DNAAF9: variants seen among roughly 807,000 people sequenced by gnomAD.
DNAAF9 encodes dynein axonemal assembly factor 9, also known as shulin.
In DNAAF9, 90 loss-of-function variants were observed where a neutral mutation model predicts 167.0. That is an observed-to-expected ratio of 0.54 (90% CI 0.45 to 0.64). The LOEUF is 0.64. Ranked by LOEUF, DNAAF9 falls within the 30% of genes least tolerant of loss-of-function variation. The pLI, the probability that DNAAF9 is intolerant of heterozygous loss-of-function variation, is 0.00. For synonymous variants in DNAAF9, 491 were observed against 508.8 expected (o/e 0.96, Z 0.47); for missense variants, 1,315 against 1,442.2 (o/e 0.91, Z 1.43).
chr20:3,347,146 A>C (rs2070208288), intron 8 of DNAAF9, among the ~76,000 whole-genome samples: 1 of 152,160 alleles, frequency 6.6e-6, no homozygotes, highest in Non-Finnish European at 1.5e-5. Flanking sequence ...GCCTGCTTAT[A>C]TTCAGAGATT....
intron 8 of DNAAF9, among the ~76,000 whole-genome samples, chr20:3,344,252 C>T (rs576420816): frequency 1.3e-5 from 2 of 152,256 alleles, no homozygotes; most frequent in African/African-American, 2.4e-5. Context: ...AAATAAGTCT[C>T]AGCTTTTGGA....
chr20:3,313,311 AT>A, intron 20 of DNAAF9, among the ~76,000 whole-genome samples: 1 of 152,360 alleles, frequency 6.6e-6, no homozygotes, highest in Middle Eastern at 3.4e-3. Flanking sequence ...AACAAATGCC[AT>A]TACCACTCCA....
intron 23 of DNAAF9, chr20:3,296,341 C>A: frequency 2.9e-6 from 1 of 340,626 alleles, no homozygotes; most frequent in Non-Finnish European, 5.8e-6. Flanking sequence ...TGAGACGTGG[C>A]CCCTCACAGC....
intron 20 of DNAAF9, among the ~76,000 whole-genome samples, chr20:3,310,344 AGAAAGAAAGAAAG>A (rs1455675971): frequency 1.9e-5 from 2 of 103,190 alleles, no homozygotes; most frequent in African/African-American, 3.9e-5. Flanking sequence ...AAAGAAAGAA[AGAAAGAAAGAAAG>A]AAAGAAAGAA....
chr20:3,286,553 G>A (rs1402214152), intron 27 of DNAAF9, among the ~76,000 whole-genome samples: 1 of 152,168 alleles, frequency 6.6e-6, no homozygotes. Context: ...AAGAAAACAA[G>A]TGGTTTCAAG....
At chr20:3,374,931 G>A in intron 5 of DNAAF9, 99 bp downstream of exon 5, 1 of 678,826 alleles carries the variant, frequency 1.5e-6, no homozygotes, top group Middle Eastern at 2.5e-4. Context: ...AGACGAAGGG[G>A]TTTCTCAGCT....
At chr20:3,272,898 C>A (rs2068618678) in intron 29 of DNAAF9, among the ~76,000 whole-genome samples, 1 of 152,142 alleles carries the variant, frequency 6.6e-6, no homozygotes, top group Non-Finnish European at 1.5e-5. Flanking sequence ...TCTCAGCTCA[C>A]CACAACCTCC....
At chr20:3,386,113 C>T (rs1014960901) in intron 1 of DNAAF9, among the ~76,000 whole-genome samples, 1 of 152,008 alleles carries the variant, frequency 6.6e-6, no homozygotes, top group East Asian at 1.9e-4. Context: ...ATAGTGAGAC[C>T]TCATCTCTTA....
At chr20:3,330,852 C>T (rs1032185962) in intron 11 of DNAAF9, among the ~76,000 whole-genome samples, 170 bp from the exon 12 acceptor site, 1 of 147,572 alleles carries the variant, frequency 6.8e-6, no homozygotes, top group East Asian at 2.0e-4. Context: ...AGTGCAGTGG[C>T]GTAATCTCGG....
chr20:3,298,078 A>G lies in DNAAF9; in HGVS notation c.1880T>C (p.Met627Thr). The G allele has an allele frequency of 6.2e-7, 1 of 1,613,108 alleles. No individual in the cohort carries two copies. Among genetic ancestry groups the G allele is most frequent in the Admixed American group, 1.7e-5 (1 of 60,030 alleles). Reference protein sequence around the residue: ...VHFHGSSNFLMIALFPKSKIY... With the variant: ...VHFHGSSNFLTIALFPKSKIY... Reference sequence around the variant, plus strand: ...CTTCGATTTGGGGAAAAGGGCAATCATCAGAAAATTGCTTGATCCATGGAA... The same window carrying G: ...CTTCGATTTGGGGAAAAGGGCAATCGTCAGAAAATTGCTTGATCCATGGAA... The change falls in exon 22 of 37, where the codon ATG becomes ACG. Residue 627 changes from methionine to threonine, a missense_variant. Physicochemically the swap from Met to Thr is moderately conservative, Grantham distance 81 (BLOSUM62 -1). Coordinates refer to ENST00000252032, the MANE Select transcript of DNAAF9 (RefSeq NM_001009984.3).
At chr20:3,309,104 G>A (rs7264098) in intron 20 of DNAAF9, among the ~76,000 whole-genome samples, 9,431 of 152,128 alleles carry the variant, frequency 0.062, 372 homozygotes, top group Non-Finnish European at 0.082. Flanking sequence ...TTCTTCTTCA[G>A]GAGTATCTTG....
intron 20 of DNAAF9, among the ~76,000 whole-genome samples, chr20:3,313,603 T>C (rs2069451053): frequency 6.6e-6 from 1 of 152,188 alleles, no homozygotes; most frequent in African/African-American, 2.4e-5. Flanking sequence ...AAAGAGGAAC[T>C]TGCAGTAAAT....
intron 1 of DNAAF9, among the ~76,000 whole-genome samples, chr20:3,394,893 G>C (rs937371824): frequency 6.8e-6 from 1 of 146,752 alleles, no homozygotes; most frequent in Non-Finnish European, 1.5e-5. Context: ...GATGAGGCAA[G>C]TCCTTCTATC....
In DNAAF9 at chr20:3,293,451, G is replaced by A. The variant is rs188949670; in HGVS notation, c.2238+688C>T. Among the ~76,000 whole-genome samples, 995 of 151,676 alleles carry A rather than the reference G, an allele frequency of 6.6e-3. 8 individuals are homozygous for A. The highest frequency in any genetic ancestry group is 0.023 in the African/African-American group (951 of 41,356). ...TGTAATCCCAGCACTTTGGGAGGCC[G>A]GGGTGGGCGGATCACCTGAGGTCAA... On this transcript the variant is annotated intron_variant, in intron 25 of 36. Transcript: ENST00000252032.
chr20:3,368,801 A>G (rs987343135), intron 6 of DNAAF9, among the ~76,000 whole-genome samples: 3 of 150,090 alleles, frequency 2.0e-5, no homozygotes, highest in Non-Finnish European at 4.4e-5. Flanking sequence ...TACAGGCATG[A>G]GCCACTGCGC....
At position 3,276,283 on chromosome 20, in the gene DNAAF9, A is replaced by G. The variant is rs113443630; in HGVS notation, c.2650+2629T>C. ...CTCCCTCCCCAGACAGCCCATGCCC[A>G]TGGCAAGCCTGGTCAGGCCAGTCCA... On this transcript the variant is annotated intron_variant, in intron 29 of 36. Transcript: ENST00000252032. 3.3e-3 allele frequency among the ~76,000 whole-genome samples: 497 copies of G among 152,298 alleles called. 6 individuals are homozygous for G. Among genetic ancestry groups the G allele is most frequent in the African/African-American group, 0.011 (462 of 41,566 alleles).
chr20:3,258,794 G>T (rs2068327196), intron 33 of DNAAF9, among the ~76,000 whole-genome samples: 1 of 152,154 alleles, frequency 6.6e-6, no homozygotes, highest in African/African-American at 2.4e-5. Flanking sequence ...GGTTCTCTGT[G>T]ATAACAGCTG....
At chr20:3,377,675 G>C (rs2083593880) in intron 3 of DNAAF9, among the ~76,000 whole-genome samples, 1 of 151,952 alleles carries the variant, frequency 6.6e-6, no homozygotes, top group South Asian at 2.1e-4. Context: ...GCCCAGGCTG[G>C]TCTCGAACTC....
At chr20:3,388,829 C>G (rs2083786196) in intron 1 of DNAAF9, among the ~76,000 whole-genome samples, 1 of 152,106 alleles carries the variant, frequency 6.6e-6, no homozygotes, top group Non-Finnish European at 1.5e-5. Context: ...ATAGGTACAG[C>G]TTCAGTTTTG....
Sources: allele counts gnomAD v4.1 joint callset (sites outside exome capture counted in the v4.1 genomes callset), GRCh38; gene constraint gnomAD v4.1.1; transcripts MANE v1.5; gene names NCBI Gene and HGNC (gene_info 2026-07-23, HGNC 2026-07-21).